Variants in LIMCH1 observed in about 807,000 individuals in gnomAD.
LIMCH1 encodes the protein LIM and calponin homology domains-containing protein 1.
LIMCH1 carries 113 observed loss-of-function variants against 176.5 expected under a neutral mutation model. The ratio of observed to expected loss-of-function variants is 0.64; its 90% CI spans 0.55 to 0.75. The LOEUF (loss-of-function observed/expected upper bound fraction) is 0.75. Among genes scored for constraint, LIMCH1 ranks in the 30% least tolerant of loss-of-function variants. LIMCH1 has a pLI of 0.00. For synonymous variants in LIMCH1, 619 were observed against 645.9 expected (o/e 0.96, Z 0.63); for missense variants, 1,674 against 1,814.9 (o/e 0.92, Z 1.41).
chr4:41,456,517 T>C (rs937721274), intron 1 of LIMCH1, among the ~76,000 whole-genome samples: 3 of 152,202 alleles, frequency 2.0e-5, no homozygotes, highest in Non-Finnish European at 2.9e-5. Context: ...CCATCTTCTT[T>C]GACCAGTGTT....
At chr4:41,411,497 C>T (rs2059474801) in intron 1 of LIMCH1, among the ~76,000 whole-genome samples, 2 of 152,120 alleles carry the variant, frequency 1.3e-5, no homozygotes, top group African/African-American at 4.8e-5. Flanking sequence ...GTGCAGGCTA[C>T]TGCCCAGCTT....
intron 1 of LIMCH1, among the ~76,000 whole-genome samples, chr4:41,362,501 G>A (rs1177390626): frequency 6.6e-6 from 1 of 152,176 alleles, no homozygotes; most frequent in Non-Finnish European, 1.5e-5. Context: ...AAAATTCTCA[G>A]GAGAGACTTC....
At chr4:41,492,010 G>A (rs565321969) in intron 1 of LIMCH1, among the ~76,000 whole-genome samples, 1 of 152,326 alleles carries the variant, frequency 6.6e-6, no homozygotes, top group East Asian at 1.9e-4. Context: ...TGGCGGGCAG[G>A]CAGAGGCTGT....
Position 41,646,208 on chromosome 4 carries a change from T to C in LIMCH1, c.2339T>C (p.Leu780Ser). ...GAAGAAAGGAAAAAAATGGAGAAGT[T>C]ACTGGCTGGAGAAGATGGGACAAGT... ...KEEERKKMEK[L>S]LAGEDGTSER... The change falls in exon 16 of 32, where the codon TTA becomes TCA. Residue 780 changes from leucine to serine, a missense_variant. By Grantham distance (145) the Leu-to-Ser change is moderately radical (BLOSUM62 -2). Around this residue, in one of 3 missense-constraint regions of LIMCH1, gnomAD observed 1,015 missense variants for 1,102.5 expected, o/e 0.92. Transcript: ENST00000503057. 6.2e-7 allele frequency: 1 copy of C among 1,614,066 alleles called. No individual in the cohort carries two copies. The highest frequency in any genetic ancestry group is 1.1e-5 in the South Asian group (1 of 91,050).
chr4:41,416,657 C>CAAA (rs35372522), intron 1 of LIMCH1, among the ~76,000 whole-genome samples: 1 of 43,660 alleles, frequency 2.3e-5, no homozygotes, highest in African/African-American at 5.2e-5. Context: ...GATTCCATCT[C>CAAA]AAAAACAAAA....
Position 41,679,955 on chromosome 4 carries a change from A to G in LIMCH1, c.3520-51A>G, listed in dbSNP as rs1189810483. The G allele has an allele frequency of 3.2e-6, 4 of 1,256,014 alleles. No individual in the cohort carries two copies. The South Asian group carries it at 5.1e-5, about 16-fold the overall frequency. The allele number at this position is 1,256,014 out of a possible 1,614,324, so 77.8% of individuals were successfully genotyped here. On this transcript the variant is annotated intron_variant, in intron 23 of 31. Transcript: ENST00000503057. Reference sequence around the variant, plus strand: ...GGTGGTTTAGGGGGGAAAATTCCCGATGACGTATGCAATGGTCAGTTGAGA... The same window carrying G: ...GGTGGTTTAGGGGGGAAAATTCCCGGTGACGTATGCAATGGTCAGTTGAGA...
At chr4:41,454,790 G>T (rs1227150511) in intron 1 of LIMCH1, among the ~76,000 whole-genome samples, 2 of 152,214 alleles carry the variant, frequency 1.3e-5, no homozygotes, top group Admixed American at 1.3e-4. Flanking sequence ...TGTTTTCAAT[G>T]CATGGTAGGT....
At chr4:41,409,833 G>A (rs1420868745) in intron 1 of LIMCH1, among the ~76,000 whole-genome samples, 14 of 152,328 alleles carry the variant, frequency 9.2e-5, no homozygotes, top group South Asian at 2.1e-4. Flanking sequence ...AGGGCTAATA[G>A]TGTTAGTTTT....
chr4:41,660,377 A>G (rs2094579281), intron 18 of LIMCH1, among the ~76,000 whole-genome samples: 1 of 152,172 alleles, frequency 6.6e-6, no homozygotes, highest in African/African-American at 2.4e-5. Context: ...CATTAGAGTA[A>G]TTACTGGAGG....
At chr4:41,379,128 G>A (rs2055240588) in intron 1 of LIMCH1, among the ~76,000 whole-genome samples, 1 of 152,158 alleles carries the variant, frequency 6.6e-6, no homozygotes, top group African/African-American at 2.4e-5. Context: ...CAGAAATTTG[G>A]GAATGATTAG....
At chr4:41,550,833 A>C (rs1009350162) in intron 1 of LIMCH1, among the ~76,000 whole-genome samples, 2 of 152,214 alleles carry the variant, frequency 1.3e-5, no homozygotes, top group Non-Finnish European at 2.9e-5. Flanking sequence ...TGGGGGAAAA[A>C]GTAAAAGCTT....
intron 1 of LIMCH1, among the ~76,000 whole-genome samples, chr4:41,426,789 A>G (rs936399357): frequency 6.6e-6 from 1 of 152,220 alleles, no homozygotes; most frequent in African/African-American, 2.4e-5. Flanking sequence ...TGCTGAAATT[A>G]GTGGAAAAAT....
At chr4:41,626,267 A>G (rs2092944200) in intron 7 of LIMCH1, among the ~76,000 whole-genome samples, 1 of 151,958 alleles carries the variant, frequency 6.6e-6, no homozygotes, top group Non-Finnish European at 1.5e-5. Flanking sequence ...ACACAGCTGC[A>G]TTCATTTGTT....
chr4:41,467,994 A>C (rs2066399975), intron 1 of LIMCH1, among the ~76,000 whole-genome samples: 1 of 152,008 alleles, frequency 6.6e-6, no homozygotes, highest in Non-Finnish European at 1.5e-5. Flanking sequence ...GATAATCTCC[A>C]CTTTTTTCAT....
At chr4:41,420,925 T>G (rs914968496) in intron 1 of LIMCH1, among the ~76,000 whole-genome samples, 2 of 152,244 alleles carry the variant, frequency 1.3e-5, no homozygotes, top group African/African-American at 2.4e-5. Context: ...TGTTGTAGGC[T>G]CTGCTTCAAA....
intron 1 of LIMCH1, among the ~76,000 whole-genome samples, chr4:41,441,446 A>AT (rs902344025): frequency 1.9e-4 from 29 of 149,740 alleles, no homozygotes; most frequent in Non-Finnish European, 3.7e-4. Context: ...TGAGTCGGTC[A>AT]TTTTTTTTTC....
At chr4:41,398,472 T>C (rs1469506319) in intron 1 of LIMCH1, among the ~76,000 whole-genome samples, 1 of 152,230 alleles carries the variant, frequency 6.6e-6, no homozygotes, top group Non-Finnish European at 1.5e-5. Context: ...GTATTTTTTT[T>C]CTCACATATC....
intron 1 of LIMCH1, among the ~76,000 whole-genome samples, chr4:41,453,131 G>A (rs2064104736): frequency 6.6e-6 from 1 of 152,162 alleles, no homozygotes; most frequent in African/African-American, 2.4e-5. Flanking sequence ...CAAACAAGAG[G>A]ACTTTTCACC....
chr4:41,446,628 A>G (rs1275903703), intron 1 of LIMCH1, among the ~76,000 whole-genome samples: 1 of 152,244 alleles, frequency 6.6e-6, no homozygotes, highest in South Asian at 2.1e-4. Flanking sequence ...AGACAACTAC[A>G]TGAACCCTTA....
Sources: gnomAD v4.1 joint callset for allele counts (sites outside exome capture counted in the v4.1 genomes callset) on GRCh38, gnomAD v4.1.1 for gene constraint, gnomAD v4.1.1 regional missense constraint, MANE v1.5 for transcripts, NCBI Gene and HGNC (gene_info 2026-07-23, HGNC 2026-07-21) for gene names.